Variants in PON1 observed in about 807,000 individuals in gnomAD.
PON1 encodes the protein paraoxonase 1.
Under a neutral mutation model 39.2 loss-of-function variants are expected in PON1, and 37 were observed. The ratio of observed to expected loss-of-function variants is 0.94; its 90% CI spans 0.73 to 1.24. The LOEUF (loss-of-function observed/expected upper bound fraction) is 1.24, where lower values mean the gene tolerates loss of function less well. Ranked by LOEUF, PON1 falls within the 50% of genes most tolerant of loss-of-function variation. PON1 has a pLI of 0.00. For synonymous variants in PON1, 148 were observed against 152.2 expected (o/e 0.97, Z 0.21); for missense variants, 397 against 413.5 (o/e 0.96, Z 0.35).
chr7:95,311,626 G>C (rs747422272), intron 4 of PON1, 49 bp from the exon 5 acceptor site: 5 of 1,610,732 alleles, frequency 3.1e-6, no homozygotes, highest in Middle Eastern at 3.3e-4. Context: ...AGCTCTCACT[G>C]TCAGCCCTCT....
rs1489721120 is a variant in PON1, at chr7:95,304,854, G to A, written c.780+1431C>T. Among the ~76,000 whole-genome samples the A allele has an allele frequency of 2.0e-5, 3 of 152,194 alleles. No individual in the cohort carries two copies. In the East Asian group the frequency reaches 5.8e-4, roughly 29 times the overall value. On this transcript the variant is annotated intron_variant, in intron 7 of 8. Transcript: ENST00000222381. ...GTTTTCATGATGGGAGACAGGCCTG[G>A]TCTGTTGCTGAAACTGGCCTTGCCC...
chr7:95,303,805 G>A (rs1807483381), intron 7 of PON1, among the ~76,000 whole-genome samples: 1 of 152,076 alleles, frequency 6.6e-6, no homozygotes, highest in African/African-American at 2.4e-5. Flanking sequence ...CGAAAAATTC[G>A]CATTCCTTGG....
intron 1 of PON1, among the ~76,000 whole-genome samples, chr7:95,321,321 C>T (rs972348993): frequency 3.3e-5 from 5 of 152,146 alleles, no homozygotes; most frequent in South Asian, 2.1e-4. Context: ...CAGAAGTATT[C>T]GGTGAAAATA....
At chr7:95,304,699 CA>C (rs1354162450) in intron 7 of PON1, among the ~76,000 whole-genome samples, 1 of 152,172 alleles carries the variant, frequency 6.6e-6, no homozygotes, top group Non-Finnish European at 1.5e-5. Flanking sequence ...CACCTCATCA[CA>C]AATTTAAGAA....
At position 95,311,618 on chromosome 7, in the gene PON1, C is replaced by T. The variant is rs1585696855; in HGVS notation, c.371-41G>A. On this transcript the variant is annotated intron_variant, in intron 4 of 8. Coordinates refer to ENST00000222381, the MANE Select transcript of PON1 (RefSeq NM_000446.7). ...AAACAAAAATGAAACATTAACTAAG[C>T]TCTCACTGTCAGCCCTCTCTCCAAA... 1.9e-6 allele frequency: 3 copies of T among 1,612,572 alleles called. No individual in the cohort carries two copies. The East Asian group carries it at 6.7e-5, about 36-fold the overall frequency.
chr7:95,316,819 T>C, intron 2 of PON1, 30 bp from the exon 3 acceptor site: 1 of 1,565,618 alleles, frequency 6.4e-7, no homozygotes, highest in Non-Finnish European at 8.8e-7. Flanking sequence ...AAAGTACAGG[T>C]TGTTTCATAT....
At chr7:95,323,178 G>A (rs1450625675) in intron 1 of PON1, among the ~76,000 whole-genome samples, 1 of 152,126 alleles carries the variant, frequency 6.6e-6, no homozygotes, top group Non-Finnish European at 1.5e-5. Flanking sequence ...AGACCCAGTT[G>A]AGTAGCTAGG....
At chr7:95,316,829 T>C in intron 2 of PON1, 40 bp from the exon 3 acceptor site, 1 of 1,521,844 alleles carries the variant, frequency 6.6e-7, no homozygotes, top group Non-Finnish European at 9.1e-7. Context: ...TTGTTTCATA[T>C]TATTGCAGGA....
intron 5 of PON1, 70 bp from the exon 6 acceptor site, chr7:95,308,281 A>C: frequency 7.1e-7 from 1 of 1,405,826 alleles, no homozygotes; most frequent in Non-Finnish European, 1.0e-6. Flanking sequence ...ATTAACTGGC[A>C]TTCCTCACTG....
chr7:95,317,935 T>C lies in PON1; in HGVS notation c.145+388A>G, dbSNP rs182605471. Among the ~76,000 whole-genome samples, 774 of 152,330 alleles carry C rather than the reference T, an allele frequency of 5.1e-3. 4 individuals are homozygous for C. The highest frequency in any genetic ancestry group is 8.5e-3 in the Non-Finnish European group (576 of 68,032). On this transcript the variant is annotated intron_variant, in intron 2 of 8. Transcript: ENST00000222381. ...GAGAGATGCATAAGGAGAAGCCTTG[T>C]GGTAATTGCAAAGTCCTGTCAGAGC...
intron 6 of PON1, among the ~76,000 whole-genome samples, chr7:95,307,141 A>G (rs1807561060): frequency 6.7e-6 from 1 of 149,902 alleles, no homozygotes; most frequent in African/African-American, 2.5e-5. Flanking sequence ...GCTCACTGCA[A>G]CCTCCACCTC....
chr7:95,311,142 G>A (rs750198014), intron 5 of PON1, among the ~76,000 whole-genome samples: 13 of 147,962 alleles, frequency 8.8e-5, no homozygotes, highest in Admixed American at 3.4e-4. Context: ...CTATGAAGCC[G>A]GTTTGGGTTT....
At position 95,298,634 on chromosome 7, in the gene PON1, T is replaced by G; in HGVS notation, c.*310A>C. The G allele has an allele frequency of 2.4e-6, 1 of 421,446 alleles. No homozygotes were observed. Among genetic ancestry groups the G allele is most frequent in the South Asian group, 2.1e-5 (1 of 46,756 alleles). The allele number at this position is 421,446 out of a possible 1,614,324, so 26.1% of individuals were successfully genotyped here. A position where few individuals can be genotyped will look rare whatever the true frequency, so the allele number is the denominator to read the frequency against. On this transcript the variant is annotated 3_prime_UTR_variant, in exon 9 of 9. Transcript: ENST00000222381. Reference sequence around the variant, plus strand: ...CTTCCAGGCAACACATGTTTTAGGGTAAGTACTTTTGGGGTCACACACTGT... The same window carrying G: ...CTTCCAGGCAACACATGTTTTAGGGGAAGTACTTTTGGGGTCACACACTGT...
intron 1 of PON1, among the ~76,000 whole-genome samples, chr7:95,322,838 A>AT (rs2116330841): frequency 6.6e-6 from 1 of 152,224 alleles, no homozygotes; most frequent in South Asian, 2.1e-4. Context: ...TACTGCTCCC[A>AT]CCTGGGAAAC....
chr7:95,316,827 T>C (rs1411146105), intron 2 of PON1, 38 bp from the exon 3 acceptor site: 7 of 1,537,524 alleles, frequency 4.6e-6, no homozygotes, highest in Non-Finnish European at 6.3e-6. Context: ...GGTTGTTTCA[T>C]ATTATTGCAG....
intron 8 of PON1, among the ~76,000 whole-genome samples, chr7:95,300,750 A>G (rs1280489984): frequency 6.6e-6 from 1 of 152,202 alleles, no homozygotes; most frequent in Non-Finnish European, 1.5e-5. Flanking sequence ...AGGTTACTAA[A>G]TGAGCTAACA....
chr7:95,313,618 A>ATGTGTGTGTG (rs3046663), intron 4 of PON1, among the ~76,000 whole-genome samples: 65 of 147,290 alleles, frequency 4.4e-4, no homozygotes, highest in African/African-American at 1.2e-3. Context: ...ATATATGTAT[A>ATGTGTGTGTG]TGTGTGTGTG....
At chr7:95,306,448 T>C (rs952464032) in intron 6 of PON1, 82 bp from the exon 7 acceptor site, 6 of 1,002,026 alleles carry the variant, frequency 6.0e-6, no homozygotes, top group Admixed American at 1.7e-5. Context: ...TACCTATTCA[T>C]AGGGAAGAAC....
chr7:95,318,399 G>C lies in PON1; in HGVS notation c.75-6C>G. Reference sequence around the variant, plus strand: ...GGAGAGCATTAAGTCGTGTTCTGTGGGGGAGAAAGAAATAAAACACACACA... The same window carrying C: ...GGAGAGCATTAAGTCGTGTTCTGTGCGGGAGAAAGAAATAAAACACACACA... On this transcript the variant is annotated splice_polypyrimidine_tract_variant and splice_region_variant and intron_variant, in intron 1 of 8. Transcript: ENST00000222381. The C allele has an allele frequency of 6.2e-7, 1 of 1,601,140 alleles. No homozygotes were observed. Among genetic ancestry groups the C allele is most frequent in the Non-Finnish European group, 8.6e-7 (1 of 1,168,482 alleles).
Sources: allele counts gnomAD v4.1 joint callset (sites outside exome capture counted in the v4.1 genomes callset), GRCh38; gene constraint gnomAD v4.1.1; transcripts MANE v1.5; gene names NCBI Gene and HGNC (gene_info 2026-07-23, HGNC 2026-07-21).